VWA5B1: variants seen among roughly 807,000 people sequenced by gnomAD.
The protein encoded by VWA5B1 is von Willebrand factor A domain containing 5B1, also known as von Willebrand factor A domain-containing protein 5B1.
In VWA5B1, 115 loss-of-function variants were observed where a neutral mutation model predicts 118.2. The observed-to-expected ratio is 0.97, with a 90% confidence interval of 0.84 to 1.14. The LOEUF (loss-of-function observed/expected upper bound fraction) is 1.14. Ranked by LOEUF, VWA5B1 falls within the 50% of genes most tolerant of loss-of-function variation. The pLI, the probability that VWA5B1 is intolerant of heterozygous loss-of-function variation, is 0.00. For synonymous variants in VWA5B1, 682 were observed against 658.4 expected, an observed-to-expected ratio of 1.04 and a Z score of -0.55; for missense variants, 1,596 against 1,603.8, an observed-to-expected ratio of 1.00 and a Z score of 0.08.
chr1:20,308,171 C>T (rs1455919863), intron 1 of VWA5B1, among the ~76,000 whole-genome samples: 1 of 152,190 alleles, frequency 6.6e-6, no homozygotes, highest in Non-Finnish European at 1.5e-5. Context: ...GGCTAATGGC[C>T]TCCAGCTGCA....
intron 7 of VWA5B1, among the ~76,000 whole-genome samples, chr1:20,321,827 C>A (rs57857779): frequency 0.024 from 3,580 of 152,066 alleles, 144 homozygotes; most frequent in African/African-American, 0.078. Context: ...AAGGTCAGTG[C>A]GGCTGAAATA....
chr1:20,310,636 C>T lies in VWA5B1; in HGVS notation c.35C>T (p.Ala12Val). The change falls in exon 2 of 22, where the codon GCC becomes GTC. Residue 12 changes from alanine (A) to valine (V), a missense_variant. Ala to Val is a moderately conservative substitution (Grantham distance 64). Coordinates refer to ENST00000289815, the MANE Select transcript of VWA5B1 (RefSeq NM_001039500.3). ...PGLLNWITGAALPLTASDVTS... is the reference protein window; with the variant it reads ...PGLLNWITGAVLPLTASDVTS... ...TTGCTGAATTGGATCACGGGGGCAG[C>T]CCTGCCCCTCACCGCGTCTGATGTT... 1 of 1,549,784 alleles carries T rather than the reference C, an allele frequency of 6.5e-7. No individual in the cohort carries two copies. Among genetic ancestry groups the T allele is most frequent in the Non-Finnish European group, 8.7e-7 (1 of 1,146,170 alleles).
intron 10 of VWA5B1, 63 bp from the exon 11 acceptor site, chr1:20,330,806 C>T: frequency 6.9e-7 from 1 of 1,458,098 alleles, no homozygotes; most frequent in Non-Finnish European, 9.4e-7. Context: ...TCCCTTTCTG[C>T]ATCAGGAGGC....
chr1:20,296,950 A>G (rs1471706027), intron 1 of VWA5B1, among the ~76,000 whole-genome samples: 3 of 152,228 alleles, frequency 2.0e-5, no homozygotes, highest in Admixed American at 6.5e-5. Context: ...TTTGCCTTTC[A>G]GGCCTCTTGC....
intron 4 of VWA5B1, among the ~76,000 whole-genome samples, chr1:20,315,812 C>T (rs146350729): frequency 1.6e-3 from 241 of 152,296 alleles, no homozygotes; most frequent in African/African-American, 5.6e-3. Context: ...CAACACTTGG[C>T]ACAACAGAGA....
chr1:20,312,822 C>T lies in VWA5B1; in HGVS notation c.140-14C>T, dbSNP rs1428230267. The T allele has an allele frequency of 1.0e-5, 16 of 1,544,288 alleles. No individual in the cohort carries two copies. The highest frequency in any genetic ancestry group is 1.2e-5 in the Non-Finnish European group (14 of 1,142,212). ...GCCTGGGGCACCCCGTGATGCTGGG[C>T]CCTGCTCCGACAGGCCTCTTCGTGT... On this transcript the variant is annotated splice_polypyrimidine_tract_variant and intron_variant, in intron 2 of 21. Transcript: ENST00000289815.
rs1249914592 is a variant in VWA5B1 at position 20,357,106 on chromosome 1, GAAGA to G, written c.*2847_*2850del. Reference sequence around the variant, plus strand: ...GGAATATTTATGCCCTGCACTGTCTGAAGAAAGGGCTAATGCCACCGTAAGACAA... The same window carrying G: ...GGAATATTTATGCCCTGCACTGTCTGAAGGGCTAATGCCACCGTAAGACAA... On this transcript the variant is annotated 3_prime_UTR_variant, in exon 22 of 22. Transcript: ENST00000289815. Among the ~76,000 whole-genome samples, 2 of 152,186 alleles carry G rather than the reference GAAGA, an allele frequency of 1.3e-5. No homozygotes were observed. The highest frequency in any genetic ancestry group is 2.9e-5 in the Non-Finnish European group (2 of 68,038).
intron 14 of VWA5B1, chr1:20,339,117 T>C (rs1478432684): frequency 1.3e-5 from 2 of 152,246 alleles, no homozygotes; most frequent in Non-Finnish European, 2.9e-5. Context: ...AGAGGCCTCC[T>C]GGGAATAACA....
At position 20,319,486 on chromosome 1, in the gene VWA5B1, A is replaced by AAGAGC; in HGVS notation, c.957_961dup (p.Arg321GlnfsTer37). The AAGAGC allele has an allele frequency of 1.3e-6, 2 of 1,551,802 alleles. No individual in the cohort carries two copies. Among genetic ancestry groups the AAGAGC allele is most frequent in the East Asian group, 2.4e-5 (1 of 40,920 alleles). On this transcript the variant is annotated frameshift_variant, in exon 7 of 22. Transcript: ENST00000289815. LOFTEE classifies it high-confidence loss of function. ...AGATTTCATTAAAGGGATGAAGAAG[A>AAGAGC]AGAGCAGAGCAGAGCGGAAGGTGAG...
At chr1:20,323,282 C>T (rs2089277089) in intron 7 of VWA5B1, 74 bp from the exon 8 acceptor site, 13 of 1,284,884 alleles carry the variant, frequency 1.0e-5, no homozygotes, top group Non-Finnish European at 1.2e-5. Context: ...CGGTGAGTGA[C>T]GGGGACCAGC....
At chr1:20,306,113 A>G (rs766883639) in intron 1 of VWA5B1, among the ~76,000 whole-genome samples, 4 of 152,172 alleles carry the variant, frequency 2.6e-5, no homozygotes, top group Non-Finnish European at 5.9e-5. Flanking sequence ...CATTGGAGAG[A>G]CATGCTATGG....
At chr1:20,346,966 C>A (rs1215567533) in intron 17 of VWA5B1, among the ~76,000 whole-genome samples, 1 of 152,124 alleles carries the variant, frequency 6.6e-6, no homozygotes, top group African/African-American at 2.4e-5. Flanking sequence ...AGGCTGTTCG[C>A]TTATTCATGT....
chr1:20,351,180 A>G (rs2090121867), intron 20 of VWA5B1, among the ~76,000 whole-genome samples: 1 of 152,232 alleles, frequency 6.6e-6, no homozygotes. Context: ...GAGGGCTGAC[A>G]TAAAACTCTT....
At chr1:20,304,197 T>C (rs2100813290) in intron 1 of VWA5B1, among the ~76,000 whole-genome samples, 1 of 152,128 alleles carries the variant, frequency 6.6e-6, no homozygotes, top group East Asian at 1.9e-4. Context: ...TGCCGCAGGA[T>C]GTGGGGTGTG....
At chr1:20,298,552 G>T (rs965036785) in intron 1 of VWA5B1, among the ~76,000 whole-genome samples, 2 of 152,024 alleles carry the variant, frequency 1.3e-5, no homozygotes, top group East Asian at 3.9e-4. Flanking sequence ...CACTGTGCCT[G>T]GCGCTTTATG....
chr1:20,318,434 T>G, intron 5 of VWA5B1, 156 bp from the exon 6 acceptor site: 2 of 1,035,606 alleles, frequency 1.9e-6, no homozygotes, highest in Non-Finnish European at 2.9e-6. Flanking sequence ...GTGGGGAAAT[T>G]GAGGCAGCCT....
At chr1:20,294,608 T>G (rs1035952270) in intron 1 of VWA5B1, among the ~76,000 whole-genome samples, 6 of 152,218 alleles carry the variant, frequency 3.9e-5, no homozygotes, top group Admixed American at 2.0e-4. Flanking sequence ...GCCTCCCAAG[T>G]AGCTGGGATT....
intron 7 of VWA5B1, among the ~76,000 whole-genome samples, chr1:20,320,696 C>T (rs1425688551): frequency 6.6e-6 from 1 of 152,216 alleles, no homozygotes; most frequent in Non-Finnish European, 1.5e-5. Flanking sequence ...CCAGGGATGA[C>T]AGCAATCAAC....
intron 1 of VWA5B1, among the ~76,000 whole-genome samples, chr1:20,297,306 C>T (rs1464804987): frequency 1.3e-5 from 2 of 152,248 alleles, no homozygotes; most frequent in African/African-American, 2.4e-5. Flanking sequence ...CAAAGTAGGC[C>T]GTGCCTCTAA....
Sources: allele counts gnomAD v4.1 joint callset (sites outside exome capture counted in the v4.1 genomes callset), GRCh38; gene constraint gnomAD v4.1.1; transcripts MANE v1.5; gene names NCBI Gene and HGNC (gene_info 2026-07-23, HGNC 2026-07-21).